Variants in SLC38A1 observed in about 807,000 individuals in gnomAD.
SLC38A1 encodes the protein sodium-coupled neutral amino acid symporter 1.
Under a neutral mutation model 60.3 loss-of-function variants are expected in SLC38A1, and 18 were observed. The observed-to-expected ratio is 0.30, with a 90% confidence interval of 0.21 to 0.44. The LOEUF (loss-of-function observed/expected upper bound fraction) is 0.44, where lower values mean the gene tolerates loss of function less well. Among genes scored for constraint, SLC38A1 ranks in the 20% least tolerant of loss-of-function variants. SLC38A1 has a pLI of 1.00. For synonymous variants in SLC38A1, 196 were observed against 212.1 expected, an observed-to-expected ratio of 0.92 and a Z score of 0.66; for missense variants, 448 against 587.2, an observed-to-expected ratio of 0.76 and a Z score of 2.45.
At chr12:46,242,461 T>C (rs1043109414) in intron 2 of SLC38A1, among the ~76,000 whole-genome samples, 4 of 152,156 alleles carry the variant, frequency 2.6e-5, no homozygotes, top group Non-Finnish European at 4.4e-5. Context: ...CTTGAAATTT[T>C]TTTTTCCTAA....
intron 5 of SLC38A1, among the ~76,000 whole-genome samples, chr12:46,225,801 C>T (rs895785936): frequency 1.3e-5 from 2 of 151,980 alleles, no homozygotes; most frequent in African/African-American, 4.8e-5. Flanking sequence ...TGAAAGACCC[C>T]AAAACAAACA....
chr12:46,207,132 TA>T (rs776367748), intron 8 of SLC38A1, 22 bp downstream of exon 8: 26 of 1,495,384 alleles, frequency 1.7e-5, no homozygotes, highest in East Asian at 4.6e-5. Flanking sequence ...AGTTATATCA[TA>T]AAAAAATGGT....
At chr12:46,238,469 T>C (rs1941332825) in intron 3 of SLC38A1, among the ~76,000 whole-genome samples, 1 of 152,222 alleles carries the variant, frequency 6.6e-6, no homozygotes, top group Non-Finnish European at 1.5e-5. Flanking sequence ...TTAGTTGACA[T>C]AATGTTCTTA....
At chr12:46,226,051 G>A (rs749636677) in intron 5 of SLC38A1, among the ~76,000 whole-genome samples, 3 of 152,138 alleles carry the variant, frequency 2.0e-5, no homozygotes, top group Non-Finnish European at 4.4e-5. Context: ...TTTAAATACT[G>A]ATTGTATATT....
chr12:46,202,279 C>T (rs78152571), intron 12 of SLC38A1, among the ~76,000 whole-genome samples: 33 of 151,982 alleles, frequency 2.2e-4, no homozygotes, highest in African/African-American at 7.2e-4. Flanking sequence ...TATTAAAAGA[C>T]GCCAAAGATA....
intron 1 of SLC38A1, among the ~76,000 whole-genome samples, chr12:46,258,173 C>A (rs973230686): frequency 6.6e-6 from 1 of 152,186 alleles, no homozygotes; most frequent in African/African-American, 2.4e-5. Flanking sequence ...ATCTTCTTTA[C>A]TGCAACCTGT....
intron 5 of SLC38A1, among the ~76,000 whole-genome samples, chr12:46,221,693 G>A (rs1940664885): frequency 6.6e-6 from 1 of 152,222 alleles, no homozygotes; most frequent in African/African-American, 2.4e-5. Flanking sequence ...GTGTTAGCGG[G>A]AGGAAGATGA....
chr12:46,246,059 C>T (rs1053223971), intron 1 of SLC38A1, among the ~76,000 whole-genome samples: 11 of 152,154 alleles, frequency 7.2e-5, no homozygotes, highest in African/African-American at 2.7e-4. Context: ...CAAATAGGAA[C>T]AGCTCCCTTC....
chr12:46,229,328 C>T, intron 4 of SLC38A1, 60 bp from the exon 5 acceptor site: 11 of 1,230,324 alleles, frequency 8.9e-6, no homozygotes, highest in East Asian at 2.4e-5. Flanking sequence ...GTTCATCAAG[C>T]CAAAGCCTTT....
chr12:46,193,286 G>A (rs1314529007), intron 16 of SLC38A1, among the ~76,000 whole-genome samples: 1 of 152,160 alleles, frequency 6.6e-6, no homozygotes, highest in Non-Finnish European at 1.5e-5. Context: ...ATTGCACTGT[G>A]TCTAAGAGAC....
In SLC38A1 at chr12:46,187,360, G is replaced by A. The variant is rs1429578261; in HGVS notation, c.*1610C>T. The A allele has an allele frequency of 1.3e-5, 2 of 152,178 alleles. No homozygotes were observed. The highest frequency in any genetic ancestry group is 2.9e-5 in the Non-Finnish European group (2 of 68,036). 9.4% of individuals were successfully genotyped at this position (152,178 alleles called of 1,614,324 possible). On this transcript the variant is annotated 3_prime_UTR_variant, in exon 17 of 17. Coordinates refer to ENST00000398637, the MANE Select transcript of SLC38A1 (RefSeq NM_030674.4). ...TGTGCTCAGTGAACTTATGTGTTTG[G>A]AAAATTTAACCAGAATATAGAGGAA...
At chr12:46,210,924 T>C (rs1452224978) in intron 5 of SLC38A1, among the ~76,000 whole-genome samples, 6 of 152,170 alleles carry the variant, frequency 3.9e-5, no homozygotes, top group Non-Finnish European at 8.8e-5. Context: ...GTAGGTCTCT[T>C]ATCTCTTCAG....
intron 1 of SLC38A1, among the ~76,000 whole-genome samples, chr12:46,248,922 C>G (rs1039348961): frequency 1.3e-5 from 2 of 151,936 alleles, no homozygotes; most frequent in Non-Finnish European, 2.9e-5. Context: ...TTTGGGAGGC[C>G]GAGGCGGGCA....
At chr12:46,240,402 G>C (rs1235539681) in intron 2 of SLC38A1, among the ~76,000 whole-genome samples, 1 of 152,168 alleles carries the variant, frequency 6.6e-6, no homozygotes, top group Non-Finnish European at 1.5e-5. Flanking sequence ...CTCCATGTTG[G>C]TCAGGCTGGT....
Position 46,190,019 on chromosome 12 carries a change from T to C in SLC38A1, c.1363-948A>G, listed in dbSNP as rs191396914. On this transcript the variant is annotated intron_variant, in intron 16 of 16. Transcript: ENST00000398637. ...TTGTTACATAGGTATACATGTGCCATGTTGGTTTGCTGCACCCATCAACTT... is the reference window on the plus strand; with the variant it reads ...TTGTTACATAGGTATACATGTGCCACGTTGGTTTGCTGCACCCATCAACTT... 7.7e-4 allele frequency among the ~76,000 whole-genome samples: 118 copies of C among 152,282 alleles called. No individual in the cohort carries two copies. In the Middle Eastern group the frequency reaches 0.01, roughly 13 times the overall value.
rs1420297108 is a variant in SLC38A1, at chr12:46,251,366, G to A, written c.-208-8052C>T. Among the ~76,000 whole-genome samples, 20 of 152,130 alleles carry A rather than the reference G, an allele frequency of 1.3e-4. 1 individual carries two copies. The highest frequency in any genetic ancestry group is 2.4e-5 in the African/African-American group (1 of 41,440). ...AATTCAAGATGGATTAAAGACCTAA[G>A]TGTTAGACCTGAAACCATAAAAACC... On this transcript the variant is annotated intron_variant, in intron 1 of 16. Transcript: ENST00000398637.
Position 46,198,685 on chromosome 12 carries a change from C to G in SLC38A1, c.1062G>C (p.Leu354=), listed in dbSNP as rs1939500256. The change falls in exon 14 of 17, where the codon CTG becomes CTC. Residue 354 remains leucine, a synonymous_variant. Coordinates refer to ENST00000398637, the MANE Select transcript of SLC38A1 (RefSeq NM_030674.4). ...CAACAATGACAGCCAGCCGCACTGT[C>G]AGGATGAGAATGTCATCTTTACTCT... ...KYQSKDDILI[L]TVRLAVIVAV... The G allele has an allele frequency of 6.2e-7, 1 of 1,613,600 alleles. No homozygotes were observed. The highest frequency in any genetic ancestry group is 1.3e-5 in the African/African-American group (1 of 74,980).
chr12:46,201,196 C>A lies in SLC38A1; in HGVS notation c.905G>T (p.Arg302Leu). The A allele has an allele frequency of 6.2e-7, 1 of 1,610,280 alleles. No individual in the cohort carries two copies. The highest frequency in any genetic ancestry group is 1.1e-5 in the South Asian group (1 of 90,538). ...AACCATCTGCATTTTTTTCTGTGATCGGCTAAAAACAAATAAATGTTAAAA... is the reference window on the plus strand; with the variant it reads ...AACCATCTGCATTTTTTTCTGTGATAGGCTAAAAACAAATAAATGTTAAAA... ...VLPIYSELKD[R>L]SQKKMQMVSN... Residue 302 changes from arginine to leucine, a missense_variant and splice_region_variant, in exon 13 of 17, where the codon CGA becomes CTA. Physicochemically the swap from Arg to Leu is moderately radical, Grantham distance 102. Coordinates refer to ENST00000398637, the MANE Select transcript of SLC38A1 (RefSeq NM_030674.4).
chr12:46,197,845 T>C (rs1299277697), intron 15 of SLC38A1, 28 bp from the exon 16 acceptor site: 1 of 1,600,908 alleles, frequency 6.2e-7, no homozygotes, highest in Admixed American at 1.7e-5. Context: ...AGAGAAAGTT[T>C]AGCATTGCTA....
Sources: gnomAD v4.1 joint callset for allele counts (sites outside exome capture counted in the v4.1 genomes callset) on GRCh38, gnomAD v4.1.1 for gene constraint, MANE v1.5 for transcripts, NCBI Gene and HGNC (gene_info 2026-07-23, HGNC 2026-07-21) for gene names.